TRHDE: variants seen among roughly 807,000 people sequenced by gnomAD.
TRHDE encodes thyrotropin-releasing hormone-degrading ectoenzyme.
In TRHDE, 72 loss-of-function variants were observed where a neutral mutation model predicts 125.7. That is an observed-to-expected ratio of 0.57 (90% CI 0.47 to 0.70). The LOEUF is 0.70. Ranked by LOEUF, TRHDE falls within the 30% of genes least tolerant of loss-of-function variation. The probability of loss-of-function intolerance (pLI) is 0.00; values close to 1 mark genes in which losing one functional copy is unlikely to be tolerated. For synonymous variants in TRHDE, 509 were observed against 509.1 expected (o/e 1.00, Z 0.00); for missense variants, 1,110 against 1,327.1 (o/e 0.84, Z 2.54).
chr12:72,430,078 G>C (rs1252793558), intron 3 of TRHDE, among the ~76,000 whole-genome samples: 1 of 151,172 alleles, frequency 6.6e-6, no homozygotes, highest in African/African-American at 2.4e-5. Context: ...AAAAGGTTTT[G>C]CCTAACTCAA....
chr12:72,438,979 T>G (rs756730959), intron 3 of TRHDE, among the ~76,000 whole-genome samples: 10 of 151,842 alleles, frequency 6.6e-5, no homozygotes. Flanking sequence ...TTCTTGTGTA[T>G]GGTGTGAGAT....
chr12:72,415,340 G>T (rs1430522432), intron 3 of TRHDE, among the ~76,000 whole-genome samples: 1 of 151,940 alleles, frequency 6.6e-6, no homozygotes, highest in South Asian at 2.1e-4. Context: ...GGTAATTGGG[G>T]TATCCATCAC....
chr12:72,634,883 T>C (rs1324455611), intron 15 of TRHDE, among the ~76,000 whole-genome samples: 1 of 152,106 alleles, frequency 6.6e-6, no homozygotes, highest in Non-Finnish European at 1.5e-5. Flanking sequence ...TGCCACATTT[T>C]CTTAATCCAG....
At chr12:72,106,139 T>C (rs781513248) in intron 2 of TRHDE, among the ~76,000 whole-genome samples, 8 of 152,164 alleles carry the variant, frequency 5.3e-5, no homozygotes, top group Non-Finnish European at 7.4e-5. Flanking sequence ...TGAGCTACAG[T>C]AGCACTGTTT....
chr12:72,311,715 A>T (rs116474078), intron 2 of TRHDE, among the ~76,000 whole-genome samples: 1,607 of 152,284 alleles, frequency 0.011, 27 homozygotes, highest in African/African-American at 0.036. Context: ...GGAGTGTCAT[A>T]GTTGAGTCAG....
chr12:72,397,240 G>A (rs922222407), intron 3 of TRHDE, among the ~76,000 whole-genome samples: 3 of 152,032 alleles, frequency 2.0e-5, no homozygotes, highest in African/African-American at 7.3e-5. Flanking sequence ...AAATCCTACA[G>A]GTTTTTGCCT....
chr12:72,559,847 A>G (rs1223667003), intron 7 of TRHDE, among the ~76,000 whole-genome samples: 3 of 152,182 alleles, frequency 2.0e-5, no homozygotes, highest in African/African-American at 4.8e-5. Context: ...TGGTTATTAT[A>G]CCAAGACTTC....
At chr12:72,580,423 G>C (rs1871171914) in intron 12 of TRHDE, among the ~76,000 whole-genome samples, 1 of 152,128 alleles carries the variant, frequency 6.6e-6, no homozygotes, top group Middle Eastern at 3.4e-3. Context: ...CTAGATATTT[G>C]TGTTGTTGGG....
intron 1 of TRHDE, among the ~76,000 whole-genome samples, chr12:72,097,559 C>T (rs909098210): frequency 6.6e-6 from 1 of 150,806 alleles, no homozygotes; most frequent in African/African-American, 2.5e-5. Flanking sequence ...AAGAGATTCT[C>T]CCACCTCAGT....
intron 2 of TRHDE, chr12:72,254,373 T>G (rs1878758721): frequency 6.6e-6 from 1 of 152,064 alleles, no homozygotes; most frequent in Non-Finnish European, 1.5e-5. Context: ...TCAATTCTAT[T>G]AAATCCAACT....
rs913897300 is a variant in TRHDE at position 72,575,590 on chromosome 12, C to T, written c.2321+48C>T. On this transcript the variant is annotated intron_variant, in intron 12 of 18. Transcript: ENST00000261180. The stretch of plus-strand genomic sequence containing the variant: ...CCAATAAAAACTTGTGCCTGCAAGA[C>T]TTCCTGTATTAAACTGCATAATATG... The T allele has an allele frequency of 2.6e-6, 4 of 1,538,590 alleles. No individual in the cohort carries two copies. The African/African-American group carries it at 5.5e-5, about 21-fold the overall frequency.
At chr12:72,575,640 T>TA (rs1358468561) in intron 12 of TRHDE, 98 bp downstream of exon 12, 2 of 1,132,718 alleles carry the variant, frequency 1.8e-6, no homozygotes, top group African/African-American at 1.6e-5. Flanking sequence ...TTAGGACATT[T>TA]AAAAAAATCT....
At position 72,663,103 on chromosome 12, in the gene TRHDE, C is replaced by A; in HGVS notation, c.3118C>A (p.Arg1040=). The A allele has an allele frequency of 1.2e-6, 2 of 1,612,986 alleles. No homozygotes were observed. Among genetic ancestry groups the A allele is most frequent in the South Asian group, 1.1e-5 (1 of 90,890 alleles). Residue 1040 remains arginine (R), a synonymous_variant, in exon 19 of 19, where the codon CGA becomes AGA. Transcript: ENST00000261180. ...YDGVAAASFS[R]AVETVEANVR... Reference sequence around the variant, plus strand: ...TGGGGTAGCTGCTGCTTCTTTCTCACGAGCTGTGGAAACTGTCGAAGCCAA... The same window carrying A: ...TGGGGTAGCTGCTGCTTCTTTCTCAAGAGCTGTGGAAACTGTCGAAGCCAA...
chr12:72,372,423 G>T (rs1360013059), intron 2 of TRHDE, among the ~76,000 whole-genome samples: 1 of 152,132 alleles, frequency 6.6e-6, no homozygotes, highest in East Asian at 1.9e-4. Flanking sequence ...TTTGGCTTTT[G>T]TTGCCATTGC....
At chr12:72,463,899 A>G (rs1187722008) in intron 3 of TRHDE, among the ~76,000 whole-genome samples, 1 of 152,188 alleles carries the variant, frequency 6.6e-6, no homozygotes, top group East Asian at 1.9e-4. Context: ...AGTATGTACT[A>G]TTGAACAGAC....
At chr12:72,636,668 A>C (rs1337684574) in intron 15 of TRHDE, among the ~76,000 whole-genome samples, 2 of 152,098 alleles carry the variant, frequency 1.3e-5, no homozygotes, top group South Asian at 4.1e-4. Flanking sequence ...ATTATTTTGA[A>C]GTACGTCCCA....
chr12:72,630,940 CTATT>C (rs1873470405), intron 15 of TRHDE, among the ~76,000 whole-genome samples: 1 of 148,048 alleles, frequency 6.8e-6, no homozygotes, highest in South Asian at 2.1e-4. Context: ...TTACTTCTAA[CTATT>C]AGAGTTCCTT....
intron 2 of TRHDE, among the ~76,000 whole-genome samples, chr12:72,122,233 C>T (rs192901301): frequency 2.6e-5 from 4 of 152,328 alleles, no homozygotes; most frequent in East Asian, 3.9e-4. Flanking sequence ...GAAGCAACAG[C>T]TTACCCAATT....
chr12:72,355,721 C>T (rs371209696), intron 2 of TRHDE, among the ~76,000 whole-genome samples: 77 of 151,590 alleles, frequency 5.1e-4, no homozygotes, highest in African/African-American at 1.8e-3. Context: ...GAAAACAACC[C>T]CATTAAAAAG....
Sources: allele counts gnomAD v4.1 joint callset (sites outside exome capture counted in the v4.1 genomes callset), GRCh38; gene constraint gnomAD v4.1.1; transcripts MANE v1.5; gene names NCBI Gene and HGNC (gene_info 2026-07-23, HGNC 2026-07-21).